Variants in XDH observed in about 807,000 individuals in gnomAD.
XDH encodes xanthine dehydrogenase.
A neutral mutation model predicts 156.1 loss-of-function variants in XDH; 138 were observed. That is an observed-to-expected ratio of 0.88 (90% CI 0.77 to 1.02). XDH has a LOEUF of 1.02. Ranked by LOEUF, XDH falls within the 50% of genes least tolerant of loss-of-function variation. XDH has a pLI of 0.00. For missense variants in XDH, 1,849 were observed against 1,684.9 expected (o/e 1.10, Z -1.71); for synonymous variants, 669 against 625.7 (o/e 1.07, Z -1.03).
intron 8 of XDH, among the ~76,000 whole-genome samples, chr2:31,387,389 G>A (rs959100657): frequency 2.0e-5 from 3 of 152,132 alleles, no homozygotes; most frequent in East Asian, 3.9e-4. Context: ...GAGAGCTCTC[G>A]TTTTTTGTTT....
At chr2:31,388,356 G>A in intron 6 of XDH, 61 bp from the exon 7 acceptor site, 1 of 1,567,510 alleles carries the variant, frequency 6.4e-7, no homozygotes, top group East Asian at 2.2e-5. Context: ...AGAAGCTAAG[G>A]AATCTAGATT....
At chr2:31,386,988 AAAGGAAGGAAGGAAGG>A (rs72299308) in intron 8 of XDH, among the ~76,000 whole-genome samples, 5,617 of 90,490 alleles carry the variant, frequency 0.062, 352 homozygotes, top group Admixed American at 0.15. Flanking sequence ...GGGAGGGAAG[AAAGGAAGGAAGGAAGG>A]AAGGAAGGAA....
chr2:31,348,992 G>C lies in XDH; in HGVS notation c.2970-12C>G. On this transcript the variant is annotated splice_polypyrimidine_tract_variant and intron_variant, in intron 26 of 35. Coordinates refer to ENST00000379416, the MANE Select transcript of XDH (RefSeq NM_000379.4). ...TCCAACAATTCTCCCTAGAGAAAAA[G>C]GAATATTCTTATAGAACCTTCGCTA... 3 of 1,611,054 alleles carry C rather than the reference G, an allele frequency of 1.9e-6. No individual in the cohort carries two copies. The highest frequency in any genetic ancestry group is 1.1e-5 in the South Asian group (1 of 90,972).
intron 13 of XDH, among the ~76,000 whole-genome samples, chr2:31,378,928 G>C (rs1444334147): frequency 1.3e-5 from 2 of 151,982 alleles, no homozygotes; most frequent in Non-Finnish European, 2.9e-5. Flanking sequence ...ATACAGACAA[G>C]CTAGAAAACC....
intron 2 of XDH, 43 bp downstream of exon 2, chr2:31,405,864 A>G: frequency 2.5e-6 from 4 of 1,610,416 alleles, no homozygotes; most frequent in Non-Finnish European, 3.4e-6. Flanking sequence ...ATCAGTCACC[A>G]TTGCCCCCCT....
At position 31,337,649 on chromosome 2, in the gene XDH, T is replaced by G; in HGVS notation, c.3943A>C (p.Thr1315Pro). Residue 1315 changes from threonine (T) to proline (P), a missense_variant, in exon 35 of 36, where the codon ACC becomes CCC. Coordinates refer to ENST00000379416, the MANE Select transcript of XDH (RefSeq NM_000379.4). ...CTTGAGGGGCATCATACCAGGGTGG[T>G]GAACTTGTCCACGCAGGCATTGCGG... ...KIRNACVDKF[T>P]TLCVTGVPEN... 1.2e-6 allele frequency: 2 copies of G among 1,614,046 alleles called. No individual in the cohort carries two copies. The highest frequency in any genetic ancestry group is 1.7e-6 in the Non-Finnish European group (2 of 1,180,026).
rs770434783 is a variant in XDH, at chr2:31,339,668, C to T, written c.3595G>A (p.Ala1199Thr). 61 of 1,614,016 alleles carry T rather than the reference C, an allele frequency of 3.8e-5. No homozygotes were observed. Among genetic ancestry groups the T allele is most frequent in the East Asian group, 8.9e-5 (4 of 44,874 alleles). Residue 1199 changes from alanine (A) to threonine (T), a missense_variant, in exon 34 of 36, where the codon GCA becomes ACA. Transcript: ENST00000379416. The stretch of plus-strand genomic sequence containing the variant: ...AAGAGGCCAAGGCCCTGGACAAATG[C>T]CCCTTCCACCTGCAGGATGGATGGA... ...PAIDIGQVEG[A>T]FVQGLGLFTL...
At position 31,337,624 on chromosome 2, in the gene XDH, C is replaced by T. The variant is rs1684999957; in HGVS notation, c.3951+17G>A. On this transcript the variant is annotated intron_variant, in intron 35 of 35. Coordinates refer to ENST00000379416, the MANE Select transcript of XDH (RefSeq NM_000379.4). ...TGGCCTCCCCTGGACTGAGTGGATG[C>T]TTGAGGGGCATCATACCAGGGTGGT... 5.6e-6 allele frequency: 9 copies of T among 1,613,562 alleles called. No individual in the cohort carries two copies. Among genetic ancestry groups the T allele is most frequent in the Non-Finnish European group, 7.6e-6 (9 of 1,180,018 alleles).
chr2:31,368,670 G>A lies in XDH; in HGVS notation c.1981-10C>T, dbSNP rs1001003989. On this transcript the variant is annotated splice_polypyrimidine_tract_variant and intron_variant, in intron 18 of 35. Transcript: ENST00000379416. The stretch of plus-strand genomic sequence containing the variant: ...GCCCAACACAAGTAACCTAGTAGCA[G>A]AGACAGACTGTTAAAGAACGCAACC... 3.1e-6 allele frequency: 5 copies of A among 1,614,104 alleles called. No homozygotes were observed. Among genetic ancestry groups the A allele is most frequent in the East Asian group, 2.2e-5 (1 of 44,900 alleles).
chr2:31,395,444 C>G (rs546671105), intron 6 of XDH, among the ~76,000 whole-genome samples: 7 of 152,236 alleles, frequency 4.6e-5, no homozygotes, highest in Admixed American at 4.6e-4. Flanking sequence ...CTTCTGAGGA[C>G]AGGCCTTTTT....
chr2:31,375,911 G>A (rs1165754883), intron 14 of XDH, among the ~76,000 whole-genome samples: 1 of 152,126 alleles, frequency 6.6e-6, no homozygotes, highest in African/African-American at 2.4e-5. Flanking sequence ...GAAAACTGAG[G>A]CACACGGAGA....
chr2:31,347,344 G>C (rs1685328284), intron 29 of XDH, among the ~76,000 whole-genome samples, 178 bp downstream of exon 29: 1 of 152,132 alleles, frequency 6.6e-6, no homozygotes, highest in Admixed American at 6.5e-5. Flanking sequence ...TATGATTCTT[G>C]GGCCTCTCTT....
chr2:31,396,542 C>T (rs1027059768), intron 6 of XDH, among the ~76,000 whole-genome samples: 2 of 152,124 alleles, frequency 1.3e-5, no homozygotes, highest in Non-Finnish European at 2.9e-5. Context: ...TTTTTATAAA[C>T]ACAGTAAGGT....
intron 12 of XDH, among the ~76,000 whole-genome samples, chr2:31,380,708 G>A (rs1020776537): frequency 6.6e-6 from 1 of 152,144 alleles, no homozygotes; most frequent in African/African-American, 2.4e-5. Context: ...TCCCTTTGCT[G>A]ATTTTGCATC....
intron 35 of XDH, among the ~76,000 whole-genome samples, chr2:31,336,411 ATGAC>A: frequency 6.6e-6 from 1 of 152,256 alleles, no homozygotes; most frequent in South Asian, 2.1e-4. Flanking sequence ...GCTTACGAAA[ATGAC>A]TGAGTTCTGC....
chr2:31,365,839 T>C, intron 22 of XDH, 137 bp downstream of exon 22: 2 of 1,466,082 alleles, frequency 1.4e-6, no homozygotes, highest in Non-Finnish European at 1.9e-6. Flanking sequence ...CCAAGGGTTC[T>C]AAAAACAGAG....
intron 16 of XDH, among the ~76,000 whole-genome samples, chr2:31,373,060 C>A (rs1686121446): frequency 6.6e-6 from 1 of 152,106 alleles, no homozygotes; most frequent in Admixed American, 6.5e-5. Context: ...TCCCAGGGAC[C>A]ATCTAAGCAA....
At position 31,398,646 on chromosome 2, in the gene XDH, G is replaced by A. The variant is rs199946130; in HGVS notation, c.360C>T (p.Ile120=). 40 of 1,613,992 alleles carry A rather than the reference G, an allele frequency of 2.5e-5. No homozygotes were observed. The highest frequency in any genetic ancestry group is 3.1e-5 in the Non-Finnish European group (37 of 1,179,994). Reference sequence around the variant, plus strand: ...GGAGCAGTGTGTACATACTCATGACGATGCCAGGGGTGCAGAACCCGCACT... The same window carrying A: ...GGAGCAGTGTGTACATACTCATGACAATGCCAGGGGTGCAGAACCCGCACT... The part of the protein sequence containing the change: ...GSQCGFCTPG[I]VMSMYTLLRN... Residue 120 remains isoleucine (I), a synonymous_variant, in exon 5 of 36, where the codon ATC becomes ATT. Transcript: ENST00000379416.
Position 31,342,283 on chromosome 2 carries a change from C to T in XDH, c.3419G>A (p.Gly1140Asp). 6.2e-7 allele frequency: 1 copy of T among 1,613,984 alleles called. No individual in the cohort carries two copies. The highest frequency in any genetic ancestry group is 2.2e-5 in the East Asian group (1 of 44,878). The change falls in exon 32 of 36, where the codon GGC (glycine) becomes GAC (aspartate). Residue 1140 changes from glycine to aspartate, a missense_variant. Transcript: ENST00000379416. ...ATGFYRTPNL[G>D]YSFETNSGNP... Reference sequence around the variant, plus strand: ...CCCTGAGTTAGTCTCAAAGCTGTAGCCCAGATTGGGTGTTCTGGGAGAGGA... The same window carrying T: ...CCCTGAGTTAGTCTCAAAGCTGTAGTCCAGATTGGGTGTTCTGGGAGAGGA...
Sources: allele counts gnomAD v4.1 joint callset (sites outside exome capture counted in the v4.1 genomes callset), GRCh38; gene constraint gnomAD v4.1.1; transcripts MANE v1.5; gene names NCBI Gene and HGNC (gene_info 2026-07-23, HGNC 2026-07-21).